SEC23IP: variants seen among roughly 807,000 people sequenced by gnomAD.
The protein encoded by SEC23IP is SEC23-interacting protein.
In SEC23IP, 70 loss-of-function variants were observed where a neutral mutation model predicts 113.4. That is an observed-to-expected ratio of 0.62 (90% confidence interval 0.51 to 0.75). The LOEUF (loss-of-function observed/expected upper bound fraction) is 0.75, where lower values mean the gene tolerates loss of function less well. SEC23IP is among the 30% of genes least tolerant of loss of function. The pLI is 0.00. For synonymous variants in SEC23IP, 398 were observed against 421.0 expected (o/e 0.95, Z 0.67); for missense variants, 1,160 against 1,204.9 (o/e 0.96, Z 0.55).
chr10:119,929,843 C>A, intron 14 of SEC23IP, 81 bp downstream of exon 14: 2 of 929,508 alleles, frequency 2.2e-6, no homozygotes, highest in South Asian at 1.7e-5. Flanking sequence ...GAGATGGGGT[C>A]TTACTATGTG....
At chr10:119,896,898 G>A (rs1854302062) in intron 1 of SEC23IP, among the ~76,000 whole-genome samples, 1 of 152,116 alleles carries the variant, frequency 6.6e-6, no homozygotes, top group Non-Finnish European at 1.5e-5. Context: ...GAAGTGGAAT[G>A]ATTCAAGTAG....
Position 119,920,982 on chromosome 10 carries a change from C to G in SEC23IP, c.2119C>G (p.Leu707Val). ...CTTTGTAGAACATAAAGCAGCCAAA[C>G]TGGTAAAGTTCACCTCTGACTCAAG... Reference protein sequence around the residue: ...ANFVEHKAAKLKKAASEKKAV... With the variant: ...ANFVEHKAAKVKKAASEKKAV... The change falls in exon 12 of 19, where the codon CTG becomes GTG. Residue 707 changes from leucine (L) to valine (V), a missense_variant and splice_region_variant. By Grantham distance (32) the Leu-to-Val change is conservative. Transcript: ENST00000369075. 6.2e-7 allele frequency: 1 copy of G among 1,608,722 alleles called. No individual in the cohort carries two copies. Among genetic ancestry groups the G allele is most frequent in the Non-Finnish European group, 8.5e-7 (1 of 1,175,298 alleles).
chr10:119,938,311 C>T lies in SEC23IP; in HGVS notation c.*21-2275C>T, dbSNP rs564470164. 5.3e-5 allele frequency among the ~76,000 whole-genome samples: 8 copies of T among 152,134 alleles called. No homozygotes were observed. The South Asian group carries it at 1.7e-3, about 32-fold the overall frequency. Reference sequence around the variant, plus strand: ...ATGCTGGTAGTGTGATTTCAGCCCCCAAAATTTGCAGGGATGGGGTTGTCA... The same window carrying T: ...ATGCTGGTAGTGTGATTTCAGCCCCTAAAATTTGCAGGGATGGGGTTGTCA... On this transcript the variant is annotated intron_variant, in intron 18 of 18. Transcript: ENST00000369075.
chr10:119,897,330 C>T (rs1476719345), intron 1 of SEC23IP, among the ~76,000 whole-genome samples: 1 of 152,216 alleles, frequency 6.6e-6, no homozygotes. Flanking sequence ...TTTTATTTTA[C>T]AACTTGGTAG....
chr10:119,892,915 G>A lies in SEC23IP; in HGVS notation c.133G>A (p.Ala45Thr), dbSNP rs73357833. ...CTTCATCCCAGTCACCCAGGCCTCC[G>A]CTTCTCCGGCCTCCCTGCTCTTACC... is the stretch of plus-strand genomic sequence containing the variant. Reference protein sequence around the residue: ...VPFIPVTQASASPASLLLPGE... With the variant: ...VPFIPVTQASTSPASLLLPGE... The change falls in exon 1 of 19, where the codon GCT becomes ACT. Residue 45 changes from alanine to threonine, a missense_variant. Coordinates refer to ENST00000369075, the MANE Select transcript of SEC23IP (RefSeq NM_007190.4). 1.8e-3 allele frequency: 2,866 copies of A among 1,613,074 alleles called. 58 individuals are homozygous for A. In the African/African-American group the frequency reaches 0.034, roughly 19 times the overall value.
rs1174245591 is a variant in SEC23IP at position 119,919,439 on chromosome 10, T to A, written c.1873-5T>A. On this transcript the variant is annotated splice_polypyrimidine_tract_variant and splice_region_variant and intron_variant, in intron 10 of 18. Coordinates refer to ENST00000369075, the MANE Select transcript of SEC23IP (RefSeq NM_007190.4). ...GTAATGTTTTTCATACTTTTTTTTT[T>A]AAAGATGCCTGAAGAGCCAAAGCTG... 4 of 1,575,872 alleles carry A rather than the reference T, an allele frequency of 2.5e-6. No individual in the cohort carries two copies. The highest frequency in any genetic ancestry group is 4.0e-5 in the Admixed American group (2 of 50,076).
intron 1 of SEC23IP, among the ~76,000 whole-genome samples, chr10:119,895,991 G>A (rs540700725): frequency 1.9e-4 from 29 of 152,208 alleles, no homozygotes; most frequent in South Asian, 8.3e-4. Context: ...GAAATTAGAC[G>A]TGTGTTTCAG....
intron 10 of SEC23IP, 71 bp downstream of exon 10, chr10:119,918,582 A>C: frequency 1.1e-6 from 1 of 914,812 alleles, no homozygotes; most frequent in Non-Finnish European, 1.8e-6. Context: ...CAAAAGTCTG[A>C]ACTGTTTCTT....
At chr10:119,925,739 A>G (rs1228540781) in intron 12 of SEC23IP, among the ~76,000 whole-genome samples, 2 of 151,904 alleles carry the variant, frequency 1.3e-5, no homozygotes, top group Admixed American at 6.6e-5. Flanking sequence ...TGGAGGTCTC[A>G]CTATGTTGCC....
chr10:119,924,319 C>T (rs574831980), intron 12 of SEC23IP, among the ~76,000 whole-genome samples: 92 of 152,310 alleles, frequency 6.0e-4, no homozygotes, highest in African/African-American at 2.2e-3. Flanking sequence ...AACAAGTCCC[C>T]CTCCCACCCA....
intron 17 of SEC23IP, 121 bp downstream of exon 17, chr10:119,933,288 CTA>C (rs1855666227): frequency 2.3e-6 from 2 of 854,288 alleles, no homozygotes; most frequent in East Asian, 4.9e-5. Context: ...ATTTGAATTA[CTA>C]TATGTTCAGA....
chr10:119,938,126 T>TAAAAAAA (rs71019734), intron 18 of SEC23IP, among the ~76,000 whole-genome samples: 3 of 138,716 alleles, frequency 2.2e-5, no homozygotes, highest in African/African-American at 5.4e-5. Flanking sequence ...CCTCGTCTCT[T>TAAAAAAA]AAAAAAAAAA....
intron 1 of SEC23IP, among the ~76,000 whole-genome samples, chr10:119,893,651 C>G (rs754510523): frequency 6.6e-6 from 1 of 151,440 alleles, no homozygotes. Context: ...TCCCGAGTAG[C>G]TGGGACTACA....
rs1191527307 is a variant in SEC23IP at position 119,898,496 on chromosome 10, A to G, written c.233A>G (p.Gln78Arg). ...ACTTCTATTCACACATCTGCCCCACAGACATTTAGTTACTTCTCTCAGGTA... is the reference window on the plus strand; with the variant it reads ...ACTTCTATTCACACATCTGCCCCACGGACATTTAGTTACTTCTCTCAGGTA... ...GQTSIHTSAP[Q>R]TFSYFSQVSS... Residue 78 changes from glutamine (Q) to arginine (R), a missense_variant, in exon 2 of 19, where the codon CAG becomes CGG. Coordinates refer to ENST00000369075, the MANE Select transcript of SEC23IP (RefSeq NM_007190.4). 5.0e-6 allele frequency: 8 copies of G among 1,614,034 alleles called. No homozygotes were observed. Among genetic ancestry groups the G allele is most frequent in the Admixed American group, 1.7e-5 (1 of 60,000 alleles).
rs748104621 is a variant in SEC23IP, at chr10:119,932,238, C to T, written c.2678C>T (p.Thr893Met). Residue 893 changes from threonine to methionine, a missense_variant, in exon 16 of 19, where the codon ACG (threonine) becomes ATG (methionine). Transcript: ENST00000369075. ...QTLNEFARAH[T>M]SSTQLQEELE... Reference sequence around the variant, plus strand: ...TTAAATGAGTTTGCCCGTGCTCATACGTCTTCAACCCAGTTGCAAGAAGAA... The same window carrying T: ...TTAAATGAGTTTGCCCGTGCTCATATGTCTTCAACCCAGTTGCAAGAAGAA... 8.1e-5 allele frequency: 131 copies of T among 1,613,738 alleles called. No individual in the cohort carries two copies. The highest frequency in any genetic ancestry group is 1.0e-4 in the Non-Finnish European group (120 of 1,179,714).
chr10:119,933,834 T>G (rs1353774012), intron 18 of SEC23IP, 47 bp downstream of exon 18: 3 of 982,614 alleles, frequency 3.1e-6, no homozygotes, highest in East Asian at 5.0e-5. Flanking sequence ...GTTTGCATTC[T>G]CAAATCTGTT....
chr10:119,912,107 A>G lies in SEC23IP; in HGVS notation c.1255A>G (p.Thr419Ala). ...ATGGGGCACCACGCAAGATGGACAG[A>G]CAAGGCCCAGGGTTGTAAAGCGTGG... ...DEWGTTQDGQ[T>A]RPRVVKRGID... is the part of the protein sequence containing the mutation. The change falls in exon 6 of 19, where the codon ACA becomes GCA. Residue 419 changes from threonine to alanine, a missense_variant. By Grantham distance (58) the Thr-to-Ala change is moderately conservative. Transcript: ENST00000369075. The G allele has an allele frequency of 1.2e-6, 2 of 1,614,170 alleles. No individual in the cohort carries two copies. Among genetic ancestry groups the G allele is most frequent in the Non-Finnish European group, 1.7e-6 (2 of 1,180,008 alleles).
chr10:119,897,638 A>C (rs1854320612), intron 1 of SEC23IP, among the ~76,000 whole-genome samples: 1 of 152,242 alleles, frequency 6.6e-6, no homozygotes, highest in Admixed American at 6.5e-5. Flanking sequence ...TATAGAAATA[A>C]AAATATATGT....
intron 15 of SEC23IP, among the ~76,000 whole-genome samples, chr10:119,931,155 G>A (rs1855586517): frequency 6.6e-6 from 1 of 151,686 alleles, no homozygotes; most frequent in South Asian, 2.1e-4. Context: ...TTTCTAAATT[G>A]GAGTTTAAAT....
Sources: allele counts gnomAD v4.1 joint callset (sites outside exome capture counted in the v4.1 genomes callset), GRCh38; gene constraint gnomAD v4.1.1; transcripts MANE v1.5; gene names NCBI Gene and HGNC (gene_info 2026-07-23, HGNC 2026-07-21).